NTRK3: variants seen among roughly 807,000 people sequenced by gnomAD.
NTRK3 encodes neurotrophic receptor tyrosine kinase 3, also known as NT-3 growth factor receptor.
NTRK3 carries 24 observed loss-of-function variants against 91.7 expected under a neutral mutation model. That is an observed-to-expected ratio of 0.26 (90% CI 0.19 to 0.37). NTRK3 has a LOEUF of 0.37. NTRK3 is among the 10% of genes least tolerant of loss of function. The probability of loss-of-function intolerance (pLI) is 1.00; values close to 1 mark genes in which losing one functional copy is unlikely to be tolerated. For synonymous variants in NTRK3, 483 were observed against 404.0 expected, an observed-to-expected ratio of 1.20 and a Z score of -2.34; for missense variants, 880 against 1,068.9, an observed-to-expected ratio of 0.82 and a Z score of 2.46.
At chr15:88,080,846 C>G (rs1402566906) in intron 13 of NTRK3, among the ~76,000 whole-genome samples, 1 of 152,210 alleles carries the variant, frequency 6.6e-6, no homozygotes, top group Non-Finnish European at 1.5e-5. Context: ...AGTTTGCCAT[C>G]TCCATTGGGA....
Position 88,229,811 on chromosome 15 carries a change from T to C in NTRK3, c.248+26095A>G, listed in dbSNP as rs1598073787. On this transcript the variant is annotated intron_variant, in intron 3 of 18. Coordinates refer to ENST00000394480, the Ensembl canonical transcript of NTRK3. ...TATCTACTTCCCCACATGGTTGTCT[T>C]ATACAAGATGAATGGATCAGTGTAG... is the stretch of plus-strand genomic sequence containing the variant. 4.6e-5 allele frequency among the ~76,000 whole-genome samples: 7 copies of C among 152,354 alleles called. No homozygotes were observed. In the South Asian group the frequency reaches 1.4e-3, roughly 32 times the overall value.
intron 6 of NTRK3, 94 bp from the exon 7 acceptor site, chr15:88,137,655 C>A (rs1461738552): frequency 6.1e-6 from 8 of 1,317,274 alleles, no homozygotes; most frequent in Non-Finnish European, 6.4e-6. Flanking sequence ...CCGACCTGTT[C>A]AGGGATTAAG....
At chr15:88,072,633 A>T (rs951273233) in intron 13 of NTRK3, 1 of 232,586 alleles carries the variant, frequency 4.3e-6, no homozygotes, top group South Asian at 1.8e-4. Context: ...TTATTGTAAC[A>T]CAGTTAATGC....
intron 14 of NTRK3, among the ~76,000 whole-genome samples, chr15:87,971,073 G>A (rs2073218285): frequency 6.6e-6 from 1 of 152,204 alleles, no homozygotes; most frequent in Admixed American, 6.5e-5. Flanking sequence ...AGCAAGAAAT[G>A]CCAAATTGAC....
intron 13 of NTRK3, among the ~76,000 whole-genome samples, chr15:88,056,742 T>A (rs2142383022): frequency 6.6e-6 from 1 of 152,352 alleles, no homozygotes; most frequent in Non-Finnish European, 1.5e-5. Context: ...ACTTTCTCAG[T>A]ATCTCCCCAT....
rs1483722871 is a variant in NTRK3 at position 88,032,756 on chromosome 15, G to T, written c.1585+101C>A. 6.1e-6 allele frequency: 8 copies of T among 1,312,806 alleles called. No individual in the cohort carries two copies. In the Admixed American group the frequency reaches 1.5e-4, roughly 25 times the overall value. 81.3% of individuals were successfully genotyped at this position (1,312,806 alleles called of 1,614,324 possible). A position where few individuals can be genotyped will look rare whatever the true frequency, so the allele number is the denominator to read the frequency against. The stretch of plus-strand genomic sequence containing the variant: ...CTCTTAGAAAGTGGGAGGTTGGCAG[G>T]TAGCAGGTCACCCTAGAAGGTTCCA... On this transcript the variant is annotated intron_variant, in intron 14 of 18. Coordinates refer to ENST00000394480, the Ensembl canonical transcript of NTRK3.
At chr15:87,931,426 A>G (rs1486709184) in intron 16 of NTRK3, among the ~76,000 whole-genome samples, 1 of 152,250 alleles carries the variant, frequency 6.6e-6, no homozygotes, top group African/African-American at 2.4e-5. Flanking sequence ...TTGGCTGATC[A>G]CTGAACTACT....
chr15:88,221,744 G>A (rs753883304), intron 3 of NTRK3, among the ~76,000 whole-genome samples: 3 of 152,208 alleles, frequency 2.0e-5, no homozygotes, highest in South Asian at 2.1e-4. Flanking sequence ...GGCCAGTCCC[G>A]TAGTGACGGG....
intron 13 of NTRK3, among the ~76,000 whole-genome samples, chr15:88,093,731 G>T (rs2150784438): frequency 6.6e-6 from 1 of 152,210 alleles, no homozygotes; most frequent in Admixed American, 6.5e-5. Context: ...AGAAGACAGG[G>T]TTCTTTCTTT....
intron 13 of NTRK3, among the ~76,000 whole-genome samples, chr15:88,114,109 C>T (rs1333743840): frequency 1.3e-5 from 2 of 152,176 alleles, no homozygotes; most frequent in Admixed American, 6.5e-5. Flanking sequence ...GTGCAGTCAG[C>T]AATCCTAAGT....
At chr15:88,143,589 T>G (rs1448260350) in intron 6 of NTRK3, among the ~76,000 whole-genome samples, 2 of 152,240 alleles carry the variant, frequency 1.3e-5, no homozygotes, top group African/African-American at 4.8e-5. Context: ...TCATTGTGCT[T>G]GACCTTCCTT....
chr15:88,228,339 GA>G (rs1720031394), intron 3 of NTRK3, among the ~76,000 whole-genome samples: 1 of 151,982 alleles, frequency 6.6e-6, no homozygotes, highest in South Asian at 2.1e-4. Flanking sequence ...CCTCCCGCTG[GA>G]TCTCCCCATC....
intron 13 of NTRK3, among the ~76,000 whole-genome samples, chr15:88,107,190 C>T (rs1254417130): frequency 6.6e-6 from 1 of 152,008 alleles, no homozygotes; most frequent in East Asian, 1.9e-4. Context: ...CATGTGTAAT[C>T]CCAGCTCTTT....
At chr15:87,884,100 C>T (rs957749284) in intron 17 of NTRK3, among the ~76,000 whole-genome samples, 2 of 149,170 alleles carry the variant, frequency 1.3e-5, no homozygotes, top group African/African-American at 2.5e-5. Flanking sequence ...CAAAGCAAAA[C>T]AGCCAGCCAA....
intron 14 of NTRK3, among the ~76,000 whole-genome samples, chr15:88,031,031 C>T (rs1284395129): frequency 6.6e-6 from 1 of 152,170 alleles, no homozygotes; most frequent in African/African-American, 2.4e-5. Flanking sequence ...ACAGAAAAAA[C>T]ACATGTGTTA....
At chr15:88,181,272 C>T (rs1042935701) in intron 5 of NTRK3, among the ~76,000 whole-genome samples, 4 of 152,180 alleles carry the variant, frequency 2.6e-5, no homozygotes, top group African/African-American at 9.7e-5. Context: ...CTCCTACCCA[C>T]AAAGCCTTGG....
At chr15:88,012,777 C>A (rs928460257) in intron 14 of NTRK3, among the ~76,000 whole-genome samples, 1 of 152,238 alleles carries the variant, frequency 6.6e-6, no homozygotes, top group South Asian at 2.1e-4. Context: ...ATATCTTATA[C>A]TGTGCTTCTC....
intron 3 of NTRK3, among the ~76,000 whole-genome samples, chr15:88,215,356 C>G (rs139495747): frequency 0.014 from 2,111 of 152,354 alleles, 24 homozygotes; most frequent in Non-Finnish European, 0.021. Context: ...CCCCCACTGC[C>G]CCACCTGGCC....
At chr15:88,180,136 C>T (rs758054654) in intron 5 of NTRK3, among the ~76,000 whole-genome samples, 8 of 152,188 alleles carry the variant, frequency 5.3e-5, no homozygotes, top group Non-Finnish European at 4.4e-5. Flanking sequence ...GTATGTGCCT[C>T]TTATCGTTTA....
Sources: allele counts gnomAD v4.1 joint callset (sites outside exome capture counted in the v4.1 genomes callset), GRCh38; gene constraint gnomAD v4.1.1; transcripts MANE v1.5; gene names NCBI Gene and HGNC (gene_info 2026-07-23, HGNC 2026-07-21).